The following TGM6 variants were observed in gnomAD, a reference collection of about 807,000 sequenced individuals.
TGM6 encodes transglutaminase 6.
In TGM6, 74 loss-of-function variants were observed where a neutral mutation model predicts 77.5. The ratio of observed to expected loss-of-function variants is 0.96; its 90% CI spans 0.79 to 1.16. TGM6 has a LOEUF of 1.16. TGM6 is among the 50% of genes most tolerant of loss of function. The probability of loss-of-function intolerance (pLI) is 0.00; values close to 1 mark genes in which losing one functional copy is unlikely to be tolerated. For synonymous variants in TGM6, 383 were observed against 378.9 expected, an observed-to-expected ratio of 1.01 and a Z score of -0.12; for missense variants, 968 against 940.2, an observed-to-expected ratio of 1.03 and a Z score of -0.39.
At chr20:2,413,563 CA>C (rs1354193776) in intron 9 of TGM6, among the ~76,000 whole-genome samples, 1 of 152,128 alleles carries the variant, frequency 6.6e-6, no homozygotes, top group Non-Finnish European at 1.5e-5. Flanking sequence ...ACAAGCGTGT[CA>C]AGACAATTCA....
intron 3 of TGM6, 64 bp downstream of exon 3, chr20:2,395,500 C>T (rs2084659050): frequency 7.4e-6 from 12 of 1,613,548 alleles, no homozygotes; most frequent in Non-Finnish European, 1.0e-5. Flanking sequence ...AGAGCCTGCC[C>T]TTGGAGGGGG....
chr20:2,400,190 A>G, intron 6 of TGM6, 116 bp from the exon 7 acceptor site: 1 of 1,459,188 alleles, frequency 6.9e-7, no homozygotes, highest in Non-Finnish European at 9.4e-7. Flanking sequence ...ACACACAGAC[A>G]AAGATGGGGT....
Position 2,397,932 on chromosome 20 carries a change from C to T in TGM6, c.558C>T (p.Ile186=), listed in dbSNP as rs771403577. The T allele has an allele frequency of 9.9e-6, 16 of 1,614,006 alleles. No individual in the cohort carries two copies. In the Admixed American group the frequency reaches 2.3e-4, roughly 24 times the overall value. ...CTGGGGAGCAGTTTGAGGAGGACAT[C>T]CTGAACATCTGCCTCTCCATCCTGG... The part of the protein sequence containing the change: ...GWNYGQFEED[I]LNICLSILDR... Residue 186 remains isoleucine (I), a synonymous_variant, in exon 5 of 13, where the codon ATC becomes ATT. Coordinates refer to ENST00000202625, the MANE Select transcript of TGM6 (RefSeq NM_198994.3).
intron 9 of TGM6, among the ~76,000 whole-genome samples, chr20:2,406,104 A>G (rs2084748691): frequency 6.6e-6 from 1 of 152,196 alleles, no homozygotes; most frequent in Non-Finnish European, 1.5e-5. Flanking sequence ...TATCTCCAGG[A>G]ACATGGCACT....
chr20:2,426,861 T>C (rs1397090197), intron 10 of TGM6, among the ~76,000 whole-genome samples: 1 of 152,230 alleles, frequency 6.6e-6, no homozygotes, highest in African/African-American at 2.4e-5. Flanking sequence ...AAATCCCACT[T>C]GATCATAGCA....
intron 5 of TGM6, 125 bp from the exon 6 acceptor site, chr20:2,399,436 C>T (rs2084689987): frequency 1.5e-6 from 2 of 1,306,218 alleles, no homozygotes; most frequent in African/African-American, 2.9e-5. Flanking sequence ...AATTTTCAGA[C>T]AGTTAAAAAG....
At chr20:2,413,685 T>TA (rs1568665381) in intron 9 of TGM6, among the ~76,000 whole-genome samples, 2 of 152,202 alleles carry the variant, frequency 1.3e-5, no homozygotes, top group East Asian at 3.9e-4. Context: ...TGAAAAATTT[T>TA]TAAAAAAGGG....
chr20:2,425,858 T>C (rs1046232724), intron 10 of TGM6, among the ~76,000 whole-genome samples: 1 of 152,200 alleles, frequency 6.6e-6, no homozygotes, highest in Non-Finnish European at 1.5e-5. Flanking sequence ...TTTCTTCGTG[T>C]TCGAAACTAT....
intron 3 of TGM6, 55 bp downstream of exon 3, chr20:2,395,491 G>T: frequency 2.5e-6 from 4 of 1,613,926 alleles, no homozygotes; most frequent in Non-Finnish European, 1.7e-6. Flanking sequence ...CCTTAGAGGA[G>T]AGCCTGCCCT....
intron 10 of TGM6, among the ~76,000 whole-genome samples, chr20:2,429,256 G>A (rs908219537): frequency 3.9e-5 from 6 of 152,058 alleles, no homozygotes; most frequent in South Asian, 2.1e-4. Context: ...GAGAATCTAC[G>A]ATATGCAAAG....
At chr20:2,390,102 T>C (rs563075249) in intron 1 of TGM6, among the ~76,000 whole-genome samples, 1 of 152,160 alleles carries the variant, frequency 6.6e-6, no homozygotes, top group South Asian at 2.1e-4. Context: ...TCCTCTCTAA[T>C]ATTGTCTTCC....
chr20:2,383,947 A>C (rs1330984065), intron 1 of TGM6, among the ~76,000 whole-genome samples: 5 of 151,910 alleles, frequency 3.3e-5, no homozygotes, highest in Non-Finnish European at 7.4e-5. Context: ...CTCTACTAAA[A>C]ATACAGAAAA....
In TGM6 at chr20:2,417,566, G is replaced by T. The variant is rs760476169; in HGVS notation, c.1671G>T (p.Pro557=). Residue 557 remains proline, a synonymous_variant, in exon 10 of 13, where the codon CCG becomes CCT. Coordinates refer to ENST00000202625, the MANE Select transcript of TGM6 (RefSeq NM_198994.3). ...LHESHAVRLG[P]QEEKRIPITI... Reference sequence around the variant, plus strand: ...AATCCCACGCCGTGAGGCTGGGGCCGCAAGAAGGTAAGTGTACGCTGGCTT... The same window carrying T: ...AATCCCACGCCGTGAGGCTGGGGCCTCAAGAAGGTAAGTGTACGCTGGCTT... 9 of 1,599,950 alleles carry T rather than the reference G, an allele frequency of 5.6e-6. No individual in the cohort carries two copies. The highest frequency in any genetic ancestry group is 1.3e-5 in the African/African-American group (1 of 74,860).
intron 5 of TGM6, among the ~76,000 whole-genome samples, chr20:2,398,328 G>A (rs2084683088): frequency 6.6e-6 from 1 of 152,160 alleles, no homozygotes; most frequent in Non-Finnish European, 1.5e-5. Context: ...TGGTTTAACA[G>A]GACCTCTGTC....
rs146867354 is a variant in TGM6, at chr20:2,416,697, T to G, written c.1337-535T>G. On this transcript the variant is annotated intron_variant, in intron 9 of 12. Coordinates refer to ENST00000202625, the MANE Select transcript of TGM6 (RefSeq NM_198994.3). Reference sequence around the variant, plus strand: ...CTGTTTCCATTCGTCTATAATCTAGTCCTGAGTTTGAGCCCCAGCTCCTGA... The same window carrying G: ...CTGTTTCCATTCGTCTATAATCTAGGCCTGAGTTTGAGCCCCAGCTCCTGA... Among the ~76,000 whole-genome samples, 634 of 152,308 alleles carry G rather than the reference T, an allele frequency of 4.2e-3. 2 individuals carry two copies. Among genetic ancestry groups the G allele is most frequent in the Middle Eastern group, 0.01 (3 of 294 alleles).
chr20:2,389,157 C>A (rs1159448651), intron 1 of TGM6, among the ~76,000 whole-genome samples: 1 of 152,172 alleles, frequency 6.6e-6, no homozygotes, highest in Non-Finnish European at 1.5e-5. Flanking sequence ...ACCATGGTCT[C>A]TCAGGTCACT....
intron 1 of TGM6, among the ~76,000 whole-genome samples, chr20:2,386,063 GAAACCATCCCAAGTGC>G (rs2084593315): frequency 6.6e-6 from 1 of 152,134 alleles, no homozygotes; most frequent in Non-Finnish European, 1.5e-5. Flanking sequence ...AAGGGGCCTG[GAAACCATCCCAAGTGC>G]ACATCTATCT....
In TGM6 at chr20:2,431,008, C is replaced by G. The variant is rs1023691473; in HGVS notation, c.1948C>G (p.Gln650Glu). The G allele has an allele frequency of 6.2e-7, 1 of 1,614,024 alleles. No homozygotes were observed. Among genetic ancestry groups the G allele is most frequent in the Non-Finnish European group, 8.5e-7 (1 of 1,179,974 alleles). Residue 650 changes from glutamine (Q) to glutamate (E), a missense_variant, in exon 12 of 13, where the codon CAG becomes GAG. Coordinates refer to ENST00000202625, the MANE Select transcript of TGM6 (RefSeq NM_198994.3). ...ALMVEGSGLL[Q>E]EQLSIDVPTL... ...GATGGTGGAGGGCAGCGGCCTTCTC[C>G]AGGAACAGCTCAGCATCGAGTAAGT...
chr20:2,428,782 G>A (rs752581891), intron 10 of TGM6, among the ~76,000 whole-genome samples: 8 of 152,050 alleles, frequency 5.3e-5, no homozygotes, highest in Non-Finnish European at 8.8e-5. Context: ...TCCAAGTGCA[G>A]TACACTTTAA....
Sources: gnomAD v4.1 joint callset for allele counts (sites outside exome capture counted in the v4.1 genomes callset) on GRCh38, gnomAD v4.1.1 for gene constraint, MANE v1.5 for transcripts, NCBI Gene and HGNC (gene_info 2026-07-23, HGNC 2026-07-21) for gene names.